The following SRFBP1 variants were observed in gnomAD, a reference collection of about 807,000 sequenced individuals.
The protein encoded by SRFBP1 is serum response factor-binding protein 1.
SRFBP1 carries 47 observed loss-of-function variants against 45.5 expected under a neutral mutation model. The ratio of observed to expected loss-of-function variants is 1.03; its 90% CI spans 0.82 to 1.32. The LOEUF (loss-of-function observed/expected upper bound fraction) is 1.32, where lower values mean the gene tolerates loss of function less well. SRFBP1 is among the 40% of genes most tolerant of loss of function. SRFBP1 has a pLI of 0.00. For synonymous variants in SRFBP1, 203 were observed against 166.3 expected, an observed-to-expected ratio of 1.22 and a Z score of -1.70; for missense variants, 621 against 484.6, an observed-to-expected ratio of 1.28 and a Z score of -2.64.
chr5:122,013,008 C>G (rs1330960600), intron 4 of SRFBP1, among the ~76,000 whole-genome samples: 3 of 152,088 alleles, frequency 2.0e-5, no homozygotes, highest in Non-Finnish European at 2.9e-5. Context: ...AGGTTACTTA[C>G]CACCTCTGAC....
chr5:122,001,163 G>A (rs563987210), intron 4 of SRFBP1, among the ~76,000 whole-genome samples: 2 of 151,908 alleles, frequency 1.3e-5, no homozygotes, highest in East Asian at 3.9e-4. Context: ...TAATAAATCA[G>A]AGCATACTTT....
chr5:121,995,653 A>G (rs370507305), intron 4 of SRFBP1, among the ~76,000 whole-genome samples: 21 of 152,318 alleles, frequency 1.4e-4, no homozygotes, highest in South Asian at 1.0e-3. Flanking sequence ...GGCAAGAAAT[A>G]ACTAAAATCA....
Position 122,027,169 on chromosome 5 carries a change from T to A in SRFBP1, c.*43T>A. ...AAACTTTTCCATCTAAAAAAAAAAA[T>A]GTTTTTTTTAAGACAGGATCTCATT... On this transcript the variant is annotated 3_prime_UTR_variant, in exon 8 of 8. Coordinates refer to ENST00000339397, the MANE Select transcript of SRFBP1 (RefSeq NM_152546.3). 6.9e-7 allele frequency: 1 copy of A among 1,453,214 alleles called. No homozygotes were observed. The highest frequency in any genetic ancestry group is 9.4e-7 in the Non-Finnish European group (1 of 1,058,734). 90.0% of individuals were successfully genotyped at this position (1,453,214 alleles called of 1,614,324 possible).
At chr5:121,993,767 A>G (rs1752661457) in intron 3 of SRFBP1, among the ~76,000 whole-genome samples, 1 of 152,054 alleles carries the variant, frequency 6.6e-6, no homozygotes, top group South Asian at 2.1e-4. Flanking sequence ...TTATTGTTAG[A>G]CTGACATATC....
chr5:122,078,109 C>T, downstream of SRFBP1: 1 of 912,300 alleles, frequency 1.1e-6, no homozygotes, highest in Non-Finnish European at 1.5e-6. Context: ...GCACGGGTAT[C>T]TCAGTCTCCA....
At chr5:122,051,604 A>G (rs530938403) in intron 2 of SRFBP1, among the ~76,000 whole-genome samples, 34 of 148,180 alleles carry the variant, frequency 2.3e-4, no homozygotes, top group Admixed American at 8.7e-4. Context: ...TTTTCCATTT[A>G]CTTGGTAGGT....
intron 4 of SRFBP1, among the ~76,000 whole-genome samples, chr5:122,015,899 T>C (rs1047590481): frequency 3.3e-5 from 5 of 152,308 alleles, no homozygotes; most frequent in Non-Finnish European, 7.4e-5. Context: ...TCCTTCAGGC[T>C]CTAAGTCATA....
chr5:122,076,941 ATCT>A, downstream of SRFBP1: 1 of 1,613,938 alleles, frequency 6.2e-7, no homozygotes, highest in Admixed American at 1.7e-5. Flanking sequence ...GTACATGGAC[ATCT>A]TCTGCACGTA....
chr5:122,004,297 AG>A (rs1001780098), intron 4 of SRFBP1, among the ~76,000 whole-genome samples: 2 of 151,886 alleles, frequency 1.3e-5, no homozygotes, highest in African/African-American at 4.8e-5. Context: ...TTTTGAGTTG[AG>A]GTTTGTGTAT....
chr5:121,975,264 G>T, intron 2 of SRFBP1, 51 bp from the exon 3 acceptor site: 1 of 1,566,714 alleles, frequency 6.4e-7, no homozygotes. Flanking sequence ...TACACTATAA[G>T]TCTAAAATTA....
intron 4 of SRFBP1, among the ~76,000 whole-genome samples, chr5:122,006,295 G>A (rs1470411060): frequency 6.6e-6 from 1 of 151,872 alleles, no homozygotes; most frequent in Non-Finnish European, 1.5e-5. Context: ...CATGTTATTT[G>A]CTTCTTTTCT....
At chr5:122,025,096 T>A (rs1352458839) in intron 7 of SRFBP1, among the ~76,000 whole-genome samples, 1 of 152,274 alleles carries the variant, frequency 6.6e-6, no homozygotes, top group East Asian at 1.9e-4. Context: ...TATCTCCTAA[T>A]GCTATCCCTC....
At chr5:122,039,813 T>C (rs1423222820) in intron 2 of SRFBP1, among the ~76,000 whole-genome samples, 1 of 152,062 alleles carries the variant, frequency 6.6e-6, no homozygotes, top group African/African-American at 2.4e-5. Context: ...TCCTTACACA[T>C]ATATGATATA....
intron 4 of SRFBP1, among the ~76,000 whole-genome samples, chr5:122,003,346 G>GAAAAAAA (rs11300712): frequency 9.4e-6 from 1 of 106,132 alleles, no homozygotes. Context: ...CTGTCTCAGA[G>GAAAAAAA]AAAAAAAAAA....
At chr5:121,994,145 T>A (rs1436926461) in intron 3 of SRFBP1, among the ~76,000 whole-genome samples, 2 of 152,074 alleles carry the variant, frequency 1.3e-5, no homozygotes, top group African/African-American at 4.8e-5. Flanking sequence ...TTCCTTTATT[T>A]CATGAAGTTT....
intron 1 of SRFBP1, among the ~76,000 whole-genome samples, chr5:121,966,765 TTTTTTTA>T (rs949852011): frequency 7.9e-5 from 12 of 151,786 alleles, no homozygotes; most frequent in Admixed American, 1.3e-4. Flanking sequence ...ACATTTTATT[TTTTTTTA>T]TTTTTTATTT....
chr5:122,067,344 A>C (rs1754327072), intron 2 of SRFBP1, among the ~76,000 whole-genome samples: 1 of 152,160 alleles, frequency 6.6e-6, no homozygotes, highest in Non-Finnish European at 1.5e-5. Context: ...AACTGAAAGA[A>C]GCCTCAGAGT....
intron 1 of SRFBP1, among the ~76,000 whole-genome samples, chr5:121,963,420 G>T (rs143958208): frequency 2.0e-5 from 3 of 152,250 alleles, no homozygotes; most frequent in Admixed American, 6.5e-5. Flanking sequence ...ATGTATGAAA[G>T]ATCAGAGTAA....
At chr5:122,021,226 G>A (rs983048479) in intron 6 of SRFBP1, among the ~76,000 whole-genome samples, 1 of 152,132 alleles carries the variant, frequency 6.6e-6, no homozygotes, top group Non-Finnish European at 1.5e-5. Flanking sequence ...TACCATTTCA[G>A]TATATAAGGC....
Sources: gnomAD v4.1 joint callset for allele counts (sites outside exome capture counted in the v4.1 genomes callset) on GRCh38, gnomAD v4.1.1 for gene constraint, MANE v1.5 for transcripts, NCBI Gene and HGNC (gene_info 2026-07-23, HGNC 2026-07-21) for gene names.